CMIP: variants seen among roughly 807,000 people sequenced by gnomAD.
The protein encoded by CMIP is c-Maf inducing protein.
In CMIP, 13 loss-of-function variants were observed where a neutral mutation model predicts 97.3. The ratio of observed to expected loss-of-function variants is 0.13; its 90% confidence interval spans 0.09 to 0.21. CMIP has a LOEUF of 0.21. CMIP is among the 10% of genes least tolerant of loss of function. CMIP has a pLI of 1.00. For missense variants in CMIP, 847 were observed against 1,024.9 expected, an observed-to-expected ratio of 0.83 and a Z score of 2.37; for synonymous variants, 538 against 436.3, an observed-to-expected ratio of 1.23 and a Z score of -2.91.
Position 81,678,634 on chromosome 16 carries a change from TG to T in CMIP, c.1388+7del. On this transcript the variant is annotated splice_region_variant and intron_variant, in intron 10 of 20. Coordinates refer to ENST00000537098, the MANE Select transcript of CMIP (RefSeq NM_198390.3). ...GTGGAAATCCTCAAGCTGCTGTGAG[TG>T]CCCCCCCCGCGTGCCCGCCCCCGGG... is the stretch of plus-strand genomic sequence containing the variant. 7.2e-7 allele frequency: 1 copy of T among 1,384,632 alleles called. No homozygotes were observed. The highest frequency in any genetic ancestry group is 1.0e-6 in the Non-Finnish European group (1 of 998,910). 85.8% of individuals were successfully genotyped at this position (1,384,632 alleles called of 1,614,324 possible).
chr16:81,538,512 A>G lies in CMIP; in HGVS notation c.301-69055A>G, dbSNP rs140378347. 1.3e-3 allele frequency among the ~76,000 whole-genome samples: 192 copies of G among 152,276 alleles called. 1 individual carries two copies. Among genetic ancestry groups the G allele is most frequent in the Non-Finnish European group, 6.2e-4 (42 of 68,032 alleles). On this transcript the variant is annotated intron_variant, in intron 1 of 20. Coordinates refer to ENST00000537098, the MANE Select transcript of CMIP (RefSeq NM_198390.3). ...TGTGTCTCCATGTTCTTACTTCGCG[A>G]GCTGAGTAAGTTGATATCTGCAATT...
At chr16:81,696,707 C>T in intron 14 of CMIP, 40 bp downstream of exon 14, 9 of 1,573,702 alleles carry the variant, frequency 5.7e-6, no homozygotes, top group Non-Finnish European at 7.7e-6. Context: ...TCCAGGGGTC[C>T]CTGGGCTTGC....
intron 10 of CMIP, among the ~76,000 whole-genome samples, chr16:81,683,300 C>G (rs554254433): frequency 6.6e-6 from 1 of 152,182 alleles, no homozygotes; most frequent in Admixed American, 6.5e-5. Context: ...GCTTGGGACT[C>G]TTTGCAAACA....
At chr16:81,521,251 T>A (rs1469040566) in intron 1 of CMIP, among the ~76,000 whole-genome samples, 2 of 152,200 alleles carry the variant, frequency 1.3e-5, no homozygotes, top group African/African-American at 4.8e-5. Flanking sequence ...CTCTGCATCA[T>A]TGCTTGCTGA....
intron 1 of CMIP, among the ~76,000 whole-genome samples, chr16:81,473,263 C>T (rs1907669672): frequency 1.3e-5 from 2 of 152,126 alleles, no homozygotes; most frequent in South Asian, 4.1e-4. Context: ...TCGTGTTTGC[C>T]GTGGGGGGCA....
intron 1 of CMIP, among the ~76,000 whole-genome samples, chr16:81,461,217 G>C (rs1157908472): frequency 6.6e-6 from 1 of 152,222 alleles, no homozygotes. Context: ...TGGAGCATGA[G>C]GGGCTGGCTG....
At chr16:81,551,667 C>T (rs2090661057) in intron 1 of CMIP, among the ~76,000 whole-genome samples, 2 of 152,224 alleles carry the variant, frequency 1.3e-5, no homozygotes, top group African/African-American at 4.8e-5. Context: ...GATTTCATCT[C>T]ACAGTCATTT....
chr16:81,548,631 A>G (rs1449477812), intron 1 of CMIP, among the ~76,000 whole-genome samples: 1 of 151,180 alleles, frequency 6.6e-6, no homozygotes, highest in African/African-American at 2.4e-5. Flanking sequence ...ACTTGAAGCT[A>G]GGAGTTGGAG....
intron 2 of CMIP, chr16:81,617,611 C>G (rs959898237): frequency 6.6e-6 from 1 of 152,352 alleles, no homozygotes; most frequent in Non-Finnish European, 1.5e-5. Context: ...AAGGGAGTCT[C>G]CTCTGGTCAT....
At chr16:81,683,604 G>A (rs1905087306) in intron 10 of CMIP, among the ~76,000 whole-genome samples, 1 of 152,004 alleles carries the variant, frequency 6.6e-6, no homozygotes, top group Admixed American at 6.6e-5. Context: ...TGGCCAGGCT[G>A]GTCTCGAACT....
In CMIP at chr16:81,613,497, AGCAGGAAGAACC is replaced by A. The variant is rs1258957726; in HGVS notation, c.426+5806_426+5817del. ...ACATTCTAGCTGTGGAACCCTAAAC[AGCAGGAAGAACC>A]TCTCTGGGGCTCATTTAATTTATCT... On this transcript the variant is annotated intron_variant, in intron 2 of 20. Transcript: ENST00000537098. Among the ~76,000 whole-genome samples, 672 of 152,362 alleles carry A rather than the reference AGCAGGAAGAACC, an allele frequency of 4.4e-3. 7 individuals are homozygous for A. Among genetic ancestry groups the A allele is most frequent in the African/African-American group, 0.015 (637 of 41,582 alleles).
At chr16:81,482,099 G>A (rs1185102064) in intron 1 of CMIP, among the ~76,000 whole-genome samples, 1 of 151,990 alleles carries the variant, frequency 6.6e-6, no homozygotes, top group Non-Finnish European at 1.5e-5. Flanking sequence ...GGGTGGTTTC[G>A]AACTACTGAC....
chr16:81,590,401 G>C (rs945673624), intron 1 of CMIP, among the ~76,000 whole-genome samples: 1 of 152,164 alleles, frequency 6.6e-6, no homozygotes, highest in African/African-American at 2.4e-5. Flanking sequence ...ATGATTTCGG[G>C]AACAAGAGAG....
intron 1 of CMIP, among the ~76,000 whole-genome samples, chr16:81,564,782 C>T (rs62043776): frequency 0.19 from 28,585 of 152,030 alleles, 2,935 homozygotes; most frequent in Non-Finnish European, 0.22. Context: ...AATAGGTGTT[C>T]GATGAATATT....
At chr16:81,585,389 A>G (rs1303585244) in intron 1 of CMIP, among the ~76,000 whole-genome samples, 1 of 152,224 alleles carries the variant, frequency 6.6e-6, no homozygotes, top group Non-Finnish European at 1.5e-5. Flanking sequence ...TAGTACATTT[A>G]TAATGTGCAA....
At chr16:81,468,759 A>G (rs1425289913) in intron 1 of CMIP, among the ~76,000 whole-genome samples, 2 of 152,240 alleles carry the variant, frequency 1.3e-5, no homozygotes, top group African/African-American at 4.8e-5. Context: ...TGATCCAAGA[A>G]TGGGTCCGCT....
At chr16:81,560,864 G>A (rs1283213846) in intron 1 of CMIP, among the ~76,000 whole-genome samples, 1 of 152,202 alleles carries the variant, frequency 6.6e-6, no homozygotes, top group African/African-American at 2.4e-5. Context: ...CGTATACCAT[G>A]TAGGTTTGTG....
rs1309299931 is a variant in CMIP at position 81,672,132 on chromosome 16, T to A, written c.1034+62T>A. 3.1e-6 allele frequency: 3 copies of A among 982,204 alleles called. No homozygotes were observed. The East Asian group carries it at 7.8e-5, about 26-fold the overall frequency. 60.8% of individuals were successfully genotyped at this position (982,204 alleles called of 1,614,324 possible). On this transcript the variant is annotated intron_variant, in intron 9 of 20. Coordinates refer to ENST00000537098, the MANE Select transcript of CMIP (RefSeq NM_198390.3). ...GAGGGGCAAACTGCCACCCCCATCA[T>A]GGGCAAAGTCACCAAGAACTGACCA...
At chr16:81,590,361 A>G (rs1344127168) in intron 1 of CMIP, among the ~76,000 whole-genome samples, 1 of 152,112 alleles carries the variant, frequency 6.6e-6, no homozygotes, top group Non-Finnish European at 1.5e-5. Flanking sequence ...GGGTGTCCAA[A>G]GGAGGCTTCT....
Sources: gnomAD v4.1 joint callset for allele counts (sites outside exome capture counted in the v4.1 genomes callset) on GRCh38, gnomAD v4.1.1 for gene constraint, MANE v1.5 for transcripts, NCBI Gene and HGNC (gene_info 2026-07-23, HGNC 2026-07-21) for gene names.